CR2: variants seen among roughly 807,000 people sequenced by gnomAD.
The protein encoded by CR2 is complement receptor type 2.
Under a neutral mutation model 123.0 loss-of-function variants are expected in CR2, and 96 were observed. That is an observed-to-expected ratio of 0.78 (90% CI 0.66 to 0.93). CR2 has a LOEUF of 0.93. Ranked by LOEUF, CR2 falls within the 40% of genes least tolerant of loss-of-function variation. The pLI, the probability that CR2 is intolerant of heterozygous loss-of-function variation, is 0.00. For synonymous variants in CR2, 484 were observed against 469.5 expected (o/e 1.03, Z -0.40); for missense variants, 1,258 against 1,361.0 (o/e 0.92, Z 1.19).
intron 1 of CR2, among the ~76,000 whole-genome samples, chr1:207,464,785 G>C (rs371562412): frequency 3.2e-4 from 49 of 152,238 alleles, no homozygotes; most frequent in Middle Eastern, 3.4e-3. Context: ...GGGGTGAGTT[G>C]GGCTGAAACT....
intron 8 of CR2, 35 bp downstream of exon 8, chr1:207,471,122 G>A (rs959926708): frequency 7.5e-6 from 12 of 1,592,522 alleles, no homozygotes; most frequent in South Asian, 2.2e-5. Context: ...ACCCAATTCC[G>A]GTGTATCAGC....
Position 207,472,930 on chromosome 1 carries a change from A to G in CR2, c.1729A>G (p.Thr577Ala). ...CATTGGAGAGAGCACCATCCGTTGT[A>G]CAAGCAATGATCAAGAAAGAGGCAC... ...SLIGESTIRCTSNDQERGTWS... is the reference protein window; with the variant it reads ...SLIGESTIRCASNDQERGTWS... Residue 577 changes from threonine (T) to alanine (A), a missense_variant, in exon 10 of 20, where the codon ACA (threonine) becomes GCA (alanine). Coordinates refer to ENST00000367057, the MANE Select transcript of CR2 (RefSeq NM_001006658.3). The G allele has an allele frequency of 6.2e-7, 1 of 1,614,088 alleles. No individual in the cohort carries two copies. The highest frequency in any genetic ancestry group is 8.5e-7 in the Non-Finnish European group (1 of 1,179,970).
chr1:207,461,168 A>G (rs1174861696), intron 1 of CR2, among the ~76,000 whole-genome samples: 1 of 152,108 alleles, frequency 6.6e-6, no homozygotes, highest in Admixed American at 6.6e-5. Context: ...AAATATTAAT[A>G]TCCGCTCCCC....
At chr1:207,481,557 A>T (rs1323043434) in intron 18 of CR2, among the ~76,000 whole-genome samples, 1 of 152,064 alleles carries the variant, frequency 6.6e-6, no homozygotes, top group Non-Finnish European at 1.5e-5. Flanking sequence ...CACCTCCCAT[A>T]CCCTAGAAAA....
intron 12 of CR2, 33 bp downstream of exon 12, chr1:207,473,918 T>A (rs1432477042): frequency 2.5e-6 from 4 of 1,593,786 alleles, no homozygotes; most frequent in Non-Finnish European, 3.4e-6. Flanking sequence ...TGAGAAAAGG[T>A]CTCAACCTTG....
At chr1:207,482,301 T>C (rs1558197825) in intron 18 of CR2, among the ~76,000 whole-genome samples, 3 of 152,180 alleles carry the variant, frequency 2.0e-5, no homozygotes, top group African/African-American at 7.2e-5. Context: ...ATAAAGATAC[T>C]GAATAGTCTC....
chr1:207,488,127 C>T (rs1454708355), intron 19 of CR2, among the ~76,000 whole-genome samples: 6 of 152,120 alleles, frequency 3.9e-5, no homozygotes, highest in East Asian at 3.8e-4. Flanking sequence ...TTACTCTGTC[C>T]GGGGATTATG....
In CR2 at chr1:207,473,012, A is replaced by G; in HGVS notation, c.1811A>G (p.His604Arg). 6.2e-7 allele frequency: 1 copy of G among 1,614,010 alleles called. No individual in the cohort carries two copies. The highest frequency in any genetic ancestry group is 8.5e-7 in the Non-Finnish European group (1 of 1,179,934). ...KLSLLAVQCSHVHIANGYKIS... is the reference protein window; with the variant it reads ...KLSLLAVQCSRVHIANGYKIS... ...TCCCTCCTTGCTGTCCAGTGCTCAC[A>G]TGTCCATATTGCAAATGGATACAAG... The change falls in exon 10 of 20, where the codon CAT (histidine) becomes CGT (arginine). Residue 604 changes from histidine (H) to arginine (R), a missense_variant. His to Arg is a conservative substitution (Grantham distance 29, BLOSUM62 0). Coordinates refer to ENST00000367057, the MANE Select transcript of CR2 (RefSeq NM_001006658.3).
intron 19 of CR2, among the ~76,000 whole-genome samples, chr1:207,486,306 G>A (rs2102315876): frequency 6.7e-6 from 1 of 150,262 alleles, no homozygotes; most frequent in African/African-American, 2.5e-5. Flanking sequence ...AGAACAGTAG[G>A]TGCAAAGGCC....
intron 8 of CR2, 60 bp from the exon 9 acceptor site, chr1:207,471,363 G>A (rs1658275081): frequency 2.3e-6 from 3 of 1,300,534 alleles, no homozygotes; most frequent in African/African-American, 2.9e-5. Context: ...GGGAGCCATG[G>A]CTCTTGCCTA....
intron 18 of CR2, among the ~76,000 whole-genome samples, chr1:207,484,298 A>G (rs908962460): frequency 6.6e-6 from 1 of 152,240 alleles, no homozygotes; most frequent in Non-Finnish European, 1.5e-5. Context: ...AAGCAAACAT[A>G]CCTGTTTAAC....
rs759110449 is a variant in CR2, at chr1:207,469,732, A to G, written c.855A>G (p.Gly285=). The G allele has an allele frequency of 9.9e-6, 16 of 1,613,788 alleles. 1 individual carries two copies. In the South Asian group the frequency reaches 1.8e-4, roughly 18 times the overall value. Residue 285 remains glycine, a synonymous_variant, in exon 6 of 20, where the codon GGA becomes GGG. Coordinates refer to ENST00000367057, the MANE Select transcript of CR2 (RefSeq NM_001006658.3). ...FCPSPPPILN[G]RHIGNSLANV... Reference sequence around the variant, plus strand: ...CATCACCTCCCCCTATTCTCAATGGAAGACATATAGGCAACTCACTAGCAA... The same window carrying G: ...CATCACCTCCCCCTATTCTCAATGGGAGACATATAGGCAACTCACTAGCAA...
At chr1:207,484,118 A>G (rs371201980) in intron 18 of CR2, among the ~76,000 whole-genome samples, 3 of 152,326 alleles carry the variant, frequency 2.0e-5, no homozygotes, top group South Asian at 4.1e-4. Context: ...TACAGTCTCT[A>G]TCTCTTTCCT....
chr1:207,477,719 G>T (rs1022989738), intron 15 of CR2, among the ~76,000 whole-genome samples, 166 bp from the exon 16 acceptor site: 1 of 152,188 alleles, frequency 6.6e-6, no homozygotes, highest in Non-Finnish European at 1.5e-5. Flanking sequence ...AGGGCTGACA[G>T]TAAAAGATTG....
chr1:207,465,238 G>C (rs909155383), intron 1 of CR2, among the ~76,000 whole-genome samples: 1 of 152,106 alleles, frequency 6.6e-6, no homozygotes, highest in East Asian at 1.9e-4. Context: ...CCTAGTTAAA[G>C]AGTTTAAAAG....
intron 9 of CR2, 53 bp downstream of exon 9, chr1:207,471,552 CCT>C: frequency 7.7e-7 from 1 of 1,301,788 alleles, no homozygotes; most frequent in Non-Finnish European, 1.1e-6. Flanking sequence ...CTATACATTT[CCT>C]GGGAGATTTT....
rs759812168 is a variant in CR2 at position 207,472,914 on chromosome 1, G to C, written c.1713G>C (p.Glu571Asp). 5 of 1,614,062 alleles carry C rather than the reference G, an allele frequency of 3.1e-6. No homozygotes were observed. Among genetic ancestry groups the C allele is most frequent in the South Asian group, 1.1e-5 (1 of 91,086 alleles). Reference sequence around the variant, plus strand: ...GAGTGGAATTCAGCCTCATTGGAGAGAGCACCATCCGTTGTACAAGCAATG... The same window carrying C: ...GAGTGGAATTCAGCCTCATTGGAGACAGCACCATCCGTTGTACAAGCAATG... ...ERGVEFSLIG[E>D]STIRCTSNDQ... The change falls in exon 10 of 20, where the codon GAG (glutamate) becomes GAC (aspartate). Residue 571 changes from glutamate (E) to aspartate (D), a missense_variant. Glu to Asp is a conservative substitution (Grantham distance 45). Coordinates refer to ENST00000367057, the MANE Select transcript of CR2 (RefSeq NM_001006658.3).
chr1:207,482,961 A>G (rs1658644817), intron 18 of CR2, among the ~76,000 whole-genome samples: 1 of 122,950 alleles, frequency 8.1e-6, no homozygotes, highest in Non-Finnish European at 1.6e-5. Context: ...GCCATTAAAG[A>G]AAAAAAAAAA....
At position 207,459,716 on chromosome 1, in the gene CR2, T is replaced by C. The variant is rs1374831531; in HGVS notation, c.58+5240T>C. Among the ~76,000 whole-genome samples the C allele has an allele frequency of 2.0e-5, 3 of 152,304 alleles. No individual in the cohort carries two copies. The East Asian group carries it at 5.8e-4, about 29-fold the overall frequency. ...ATCCAGTCATGATCTCCTCTGAGTT[T>C]TACTCCTGGCTACAGAAAGATGTGA... On this transcript the variant is annotated intron_variant, in intron 1 of 19. Transcript: ENST00000367057.
Sources: allele counts gnomAD v4.1 joint callset (sites outside exome capture counted in the v4.1 genomes callset), GRCh38; gene constraint gnomAD v4.1.1; transcripts MANE v1.5; gene names NCBI Gene and HGNC (gene_info 2026-07-23, HGNC 2026-07-21).